The following LRMDA variants were observed in gnomAD, a reference collection of about 807,000 sequenced individuals.
The protein encoded by LRMDA is leucine rich melanocyte differentiation associated, also known as leucine-rich melanocyte differentiation-associated protein.
Under a neutral mutation model 29.8 loss-of-function variants are expected in LRMDA, and 18 were observed. The observed-to-expected ratio is 0.60, with a 90% confidence interval of 0.42 to 0.90. The LOEUF (loss-of-function observed/expected upper bound fraction) is 0.90. Ranked by LOEUF, LRMDA falls within the 40% of genes least tolerant of loss-of-function variation. The pLI, the probability that LRMDA is intolerant of heterozygous loss-of-function variation, is 0.00. For synonymous variants in LRMDA, 125 were observed against 109.4 expected, an observed-to-expected ratio of 1.14 and a Z score of -0.89; for missense variants, 273 against 273.9, an observed-to-expected ratio of 1.00 and a Z score of 0.02.
At chr10:76,267,983 A>G (rs564629098) in intron 5 of LRMDA, among the ~76,000 whole-genome samples, 3 of 152,326 alleles carry the variant, frequency 2.0e-5, no homozygotes, top group Non-Finnish European at 2.9e-5. Flanking sequence ...TGATTTACAT[A>G]TATTTGTTCT....
chr10:75,992,479 A>C (rs182641607), intron 2 of LRMDA, among the ~76,000 whole-genome samples: 1 of 152,214 alleles, frequency 6.6e-6, no homozygotes, highest in African/African-American at 2.4e-5. Context: ...GGGGAGATCA[A>C]GTCTCCAGTT....
intron 2 of LRMDA, among the ~76,000 whole-genome samples, chr10:75,976,843 G>A (rs55774349): frequency 0.016 from 2,480 of 152,202 alleles, 51 homozygotes; most frequent in East Asian, 0.066. Context: ...GTTCCTAATC[G>A]CCACATTACA....
At chr10:76,003,874 G>T (rs1847603002) in intron 2 of LRMDA, among the ~76,000 whole-genome samples, 1 of 152,166 alleles carries the variant, frequency 6.6e-6, no homozygotes, top group Non-Finnish European at 1.5e-5. Flanking sequence ...ATCTTATGTG[G>T]CTCATGGTAC....
intron 2 of LRMDA, among the ~76,000 whole-genome samples, chr10:75,513,247 C>T (rs907753280): frequency 2.0e-5 from 3 of 152,146 alleles, no homozygotes; most frequent in African/African-American, 7.2e-5. Context: ...TTTCTCGTTC[C>T]ATTCCATTAC....
intron 5 of LRMDA, among the ~76,000 whole-genome samples, chr10:76,234,922 C>T (rs1344132659): frequency 1.3e-5 from 2 of 152,216 alleles, no homozygotes; most frequent in African/African-American, 4.8e-5. Flanking sequence ...TCTTATCATT[C>T]ATGTGCTCAC....
intron 2 of LRMDA, among the ~76,000 whole-genome samples, chr10:75,652,413 G>C (rs1841611266): frequency 6.6e-6 from 1 of 152,236 alleles, no homozygotes; most frequent in Non-Finnish European, 1.5e-5. Context: ...GGCCAAGACA[G>C]AAGCTGTCAG....
At chr10:76,409,666 A>G (rs971508948) in intron 6 of LRMDA, among the ~76,000 whole-genome samples, 2 of 152,148 alleles carry the variant, frequency 1.3e-5, no homozygotes, top group African/African-American at 4.8e-5. Flanking sequence ...TTTATGTTAT[A>G]TATCTCCATG....
At chr10:76,275,088 G>T (rs183369174) in intron 5 of LRMDA, among the ~76,000 whole-genome samples, 453 of 152,172 alleles carry the variant, frequency 3.0e-3, no homozygotes, top group Non-Finnish European at 4.6e-3. Context: ...CATGAGGCCT[G>T]AATTTCTTAA....
intron 2 of LRMDA, among the ~76,000 whole-genome samples, chr10:75,561,208 C>T (rs1208867088): frequency 6.6e-6 from 1 of 151,664 alleles, no homozygotes; most frequent in Non-Finnish European, 1.5e-5. Context: ...GCCTCAATTT[C>T]AGAGCCTGTT....
At chr10:76,540,273 T>A (rs1044689389) in intron 6 of LRMDA, among the ~76,000 whole-genome samples, 1 of 150,582 alleles carries the variant, frequency 6.6e-6, no homozygotes, top group Non-Finnish European at 1.5e-5. Flanking sequence ...TTCTACATTT[T>A]TATTTTGATG....
chr10:75,880,625 T>C (rs1845278270), intron 2 of LRMDA, among the ~76,000 whole-genome samples: 1 of 152,204 alleles, frequency 6.6e-6, no homozygotes, highest in Non-Finnish European at 1.5e-5. Context: ...GTACACACTT[T>C]CACTGGGGAT....
At chr10:75,523,343 G>T (rs912299830) in intron 2 of LRMDA, among the ~76,000 whole-genome samples, 1 of 152,166 alleles carries the variant, frequency 6.6e-6, no homozygotes, top group Non-Finnish European at 1.5e-5. Flanking sequence ...TGGCTTATGT[G>T]GGGGTTGGTG....
At chr10:75,650,218 CT>C (rs1841579769) in intron 2 of LRMDA, among the ~76,000 whole-genome samples, 2 of 152,260 alleles carry the variant, frequency 1.3e-5, no homozygotes, top group Admixed American at 6.5e-5. Flanking sequence ...AGCTTTCCCC[CT>C]ATGTTTTCTT....
chr10:75,626,291 C>T (rs536849437), intron 2 of LRMDA, among the ~76,000 whole-genome samples: 3 of 152,090 alleles, frequency 2.0e-5, no homozygotes, highest in South Asian at 2.1e-4. Context: ...AATGACAGCC[C>T]GACATCATTC....
At chr10:76,350,265 T>A (rs1841159295) in intron 6 of LRMDA, among the ~76,000 whole-genome samples, 1 of 152,170 alleles carries the variant, frequency 6.6e-6, no homozygotes, top group South Asian at 2.1e-4. Flanking sequence ...ATTTTTAAAA[T>A]GATAGCTCTT....
chr10:76,141,029 A>G (rs1850188964), intron 5 of LRMDA, among the ~76,000 whole-genome samples: 1 of 152,114 alleles, frequency 6.6e-6, no homozygotes, highest in South Asian at 2.1e-4. Context: ...GCAGTATTTA[A>G]GCTTGAACCA....
chr10:76,131,884 G>A lies in LRMDA; in HGVS notation c.516+73101G>A, dbSNP rs146106584. On this transcript the variant is annotated intron_variant, in intron 5 of 6. Coordinates refer to ENST00000611255, the MANE Select transcript of LRMDA (RefSeq NM_001305581.2). ...GCTATACTGTCAGCCCAGCTACTGTGCTTAGAACATGATAGGTATGTACTA... is the reference window on the plus strand; with the variant it reads ...GCTATACTGTCAGCCCAGCTACTGTACTTAGAACATGATAGGTATGTACTA... Among the ~76,000 whole-genome samples, 497 of 152,238 alleles carry A rather than the reference G, an allele frequency of 3.3e-3. 1 individual carries two copies. Among genetic ancestry groups the A allele is most frequent in the African/African-American group, 0.011 (476 of 41,552 alleles).
chr10:75,621,234 C>CCCCA (rs373236306), intron 2 of LRMDA, among the ~76,000 whole-genome samples: 143 of 144,460 alleles, frequency 9.9e-4, no homozygotes, highest in African/African-American at 3.7e-3. Context: ...ACCCACACAC[C>CCCCA]CACACACACA....
chr10:76,034,912 C>G (rs1848215116), intron 2 of LRMDA, among the ~76,000 whole-genome samples: 1 of 152,098 alleles, frequency 6.6e-6, no homozygotes, highest in South Asian at 2.1e-4. Context: ...AGCTGGGAGT[C>G]TGTGTCTCTG....
Sources: gnomAD v4.1 joint callset for allele counts (sites outside exome capture counted in the v4.1 genomes callset) on GRCh38, gnomAD v4.1.1 for gene constraint, MANE v1.5 for transcripts, NCBI Gene and HGNC (gene_info 2026-07-23, HGNC 2026-07-21) for gene names.